Variants in UNC50 observed in about 807,000 individuals in gnomAD.
UNC50 encodes protein unc-50 homolog.
A neutral mutation model predicts 31.5 loss-of-function variants in UNC50; 24 were observed. The observed-to-expected ratio is 0.76, with a 90% CI of 0.55 to 1.07. UNC50 has a LOEUF of 1.07. Among genes scored for constraint, UNC50 ranks in the 50% least tolerant of loss-of-function variants. The pLI, the probability that UNC50 is intolerant of heterozygous loss-of-function variation, is 0.00. For missense variants in UNC50, 245 were observed against 304.2 expected (o/e 0.81, Z 1.45); for synonymous variants, 118 against 114.7 (o/e 1.03, Z -0.18).
At chr2:98,610,384 G>A (rs1436636601) in intron 2 of UNC50, among the ~76,000 whole-genome samples, 2 of 152,168 alleles carry the variant, frequency 1.3e-5, no homozygotes, top group Non-Finnish European at 2.9e-5. Flanking sequence ...GAATTGTAAA[G>A]GTATTGATGG....
chr2:98,612,894 A>G (rs1407123173), intron 3 of UNC50, among the ~76,000 whole-genome samples: 1 of 152,268 alleles, frequency 6.6e-6, no homozygotes, highest in Non-Finnish European at 1.5e-5. Context: ...AAAACAATGT[A>G]CAGACTAATT....
At chr2:98,611,656 T>G (rs1700831279) in intron 3 of UNC50, among the ~76,000 whole-genome samples, 1 of 152,322 alleles carries the variant, frequency 6.6e-6, no homozygotes, top group Admixed American at 6.5e-5. Flanking sequence ...TTAGTGATTT[T>G]GGGGTCCCGA....
intron 1 of UNC50, chr2:98,609,533 C>G (rs747270934): frequency 1.3e-4 from 81 of 637,788 alleles, no homozygotes; most frequent in Non-Finnish European, 2.0e-4. Flanking sequence ...TTAGGTGATT[C>G]AGAAGGGTGG....
chr2:98,614,913 T>C (rs1174424290), intron 3 of UNC50, among the ~76,000 whole-genome samples: 2 of 152,252 alleles, frequency 1.3e-5, no homozygotes, highest in African/African-American at 2.4e-5. Context: ...AGCGTATTCT[T>C]AATTGTACCC....
chr2:98,610,824 A>G lies in UNC50; in HGVS notation c.330A>G (p.Thr110=). The G allele has an allele frequency of 6.2e-7, 1 of 1,614,222 alleles. No homozygotes were observed. Among genetic ancestry groups the G allele is most frequent in the East Asian group, 2.2e-5 (1 of 44,890 alleles). Residue 110 remains threonine, a synonymous_variant, in exon 3 of 6, where the codon ACA becomes ACG. Coordinates refer to ENST00000357765, the MANE Select transcript of UNC50 (RefSeq NM_014044.7). Reference sequence around the variant, plus strand: ...TGCTGGACATGGGATTCTTTGAGACAATAAAGCTTCTCCTTTGGGTTGTAC... The same window carrying G: ...TGCTGGACATGGGATTCTTTGAGACGATAAAGCTTCTCCTTTGGGTTGTAC... The part of the protein sequence containing the change: ...GFVLDMGFFE[T]IKLLLWVVLI...
chr2:98,617,664 A>AGAG (rs894484640), intron 5 of UNC50, among the ~76,000 whole-genome samples: 62 of 152,336 alleles, frequency 4.1e-4, no homozygotes, highest in African/African-American at 1.3e-3. Flanking sequence ...TTTATATTTA[A>AGAG]GAGTTTCAGT....
chr2:98,615,911 G>C (rs1700912059), intron 3 of UNC50, among the ~76,000 whole-genome samples: 1 of 152,120 alleles, frequency 6.6e-6, no homozygotes, highest in Non-Finnish European at 1.5e-5. Context: ...AGGCCTGCCA[G>C]GCACCATCAC....
chr2:98,609,715 C>G, intron 1 of UNC50, 41 bp from the exon 2 acceptor site: 1 of 1,610,782 alleles, frequency 6.2e-7, no homozygotes, highest in Non-Finnish European at 8.5e-7. Flanking sequence ...CCAAATGTTT[C>G]TTCAGAATAC....
Position 98,616,201 on chromosome 2 carries a change from T to C in UNC50, c.402-6T>C, listed in dbSNP as rs770483586. 8.8e-6 allele frequency: 14 copies of C among 1,598,454 alleles called. No individual in the cohort carries two copies. The South Asian group carries it at 1.5e-4, about 17-fold the overall frequency. ...ATTATGAAAGAAATTTTAATTTTGCTCTTAGGTTCATCTCTAACAAGTATT... is the reference window on the plus strand; with the variant it reads ...ATTATGAAAGAAATTTTAATTTTGCCCTTAGGTTCATCTCTAACAAGTATT... On this transcript the variant is annotated splice_region_variant and splice_polypyrimidine_tract_variant and intron_variant, in intron 3 of 5. Coordinates refer to ENST00000357765, the MANE Select transcript of UNC50 (RefSeq NM_014044.7).
chr2:98,616,118 G>T, intron 3 of UNC50, 89 bp from the exon 4 acceptor site: 1 of 1,370,086 alleles, frequency 7.3e-7, no homozygotes. Context: ...TATATCTCCA[G>T]AATTTAGAAT....
chr2:98,615,154 C>T lies in UNC50; in HGVS notation c.402-1053C>T, dbSNP rs1025043340. ...TCTTCCTAACTGCTTCTTACTATTT[C>T]ATCCTCCTTTTAATAGGGGGTTGAC... On this transcript the variant is annotated intron_variant, in intron 3 of 5. Transcript: ENST00000357765. Among the ~76,000 whole-genome samples, 12 of 152,238 alleles carry T rather than the reference C, an allele frequency of 7.9e-5. 1 individual carries two copies. Among genetic ancestry groups the T allele is most frequent in the Non-Finnish European group, 1.3e-4 (9 of 68,046 alleles).
intron 5 of UNC50, among the ~76,000 whole-genome samples, chr2:98,617,283 TCTGA>T (rs1188950045): frequency 1.2e-4 from 19 of 152,340 alleles, no homozygotes; most frequent in African/African-American, 4.3e-4. Flanking sequence ...TACAGATGGC[TCTGA>T]CTATGCCTGG....
At position 98,613,655 on chromosome 2, in the gene UNC50, A is replaced by G. The variant is rs1013340985; in HGVS notation, c.402-2552A>G. 5.9e-5 allele frequency among the ~76,000 whole-genome samples: 9 copies of G among 152,182 alleles called. No individual in the cohort carries two copies. The South Asian group carries it at 1.2e-3, about 21-fold the overall frequency. ...CCCTTGACACGTGGGGATTCTGGGGATTGCTGTTCAAGATGAGATTTTGGG... is the reference window on the plus strand; with the variant it reads ...CCCTTGACACGTGGGGATTCTGGGGGTTGCTGTTCAAGATGAGATTTTGGG... On this transcript the variant is annotated intron_variant, in intron 3 of 5. Coordinates refer to ENST00000357765, the MANE Select transcript of UNC50 (RefSeq NM_014044.7).
intron 3 of UNC50, among the ~76,000 whole-genome samples, chr2:98,612,037 G>A (rs1419224162): frequency 7.1e-6 from 1 of 141,274 alleles, no homozygotes; most frequent in Non-Finnish European, 1.5e-5. Flanking sequence ...TCTGACTTTG[G>A]TTGATTTAGC....
At chr2:98,616,078 G>C in intron 3 of UNC50, 129 bp from the exon 4 acceptor site, 1 of 812,198 alleles carries the variant, frequency 1.2e-6, no homozygotes, top group Non-Finnish European at 1.9e-6. Context: ...TAGATGGAAG[G>C]CAGGGATTTT....
chr2:98,616,146 T>C, intron 3 of UNC50, 61 bp from the exon 4 acceptor site: 1 of 1,524,718 alleles, frequency 6.6e-7, no homozygotes, highest in Non-Finnish European at 8.9e-7. Flanking sequence ...GCATAGAAAG[T>C]CGTCAGTAAA....
chr2:98,617,465 C>T (rs1388521352), intron 5 of UNC50, among the ~76,000 whole-genome samples: 1 of 152,206 alleles, frequency 6.6e-6, no homozygotes, highest in Non-Finnish European at 1.5e-5. Flanking sequence ...GAGAACACTG[C>T]AGCACTGTGG....
intron 1 of UNC50, 46 bp from the exon 2 acceptor site, chr2:98,609,708 AAT>A (rs746069007): frequency 6.2e-7 from 1 of 1,609,916 alleles, no homozygotes; most frequent in South Asian, 1.1e-5. Context: ...TCGGTAGCCA[AAT>A]GTTTCTTCAG....
At position 98,608,611 on chromosome 2, in the gene UNC50, C is replaced by T. The variant is rs1032606419; in HGVS notation, c.-120C>T. The T allele has an allele frequency of 2.5e-5, 15 of 600,600 alleles. No homozygotes were observed. In the African/African-American group the frequency reaches 2.6e-4, roughly 11 times the overall value. 37.2% of individuals were successfully genotyped at this position (600,600 alleles called of 1,614,324 possible). Reference sequence around the variant, plus strand: ...GTCGGTTCCCGTGACGCGGCGCGCCCCAAGGGCCGGCTCCGTTGAGGGAAG... The same window carrying T: ...GTCGGTTCCCGTGACGCGGCGCGCCTCAAGGGCCGGCTCCGTTGAGGGAAG... On this transcript the variant is annotated 5_prime_UTR_variant, in exon 1 of 6. Transcript: ENST00000357765.
Sources: gnomAD v4.1 joint callset for allele counts (sites outside exome capture counted in the v4.1 genomes callset) on GRCh38, gnomAD v4.1.1 for gene constraint, MANE v1.5 for transcripts, NCBI Gene and HGNC (gene_info 2026-07-23, HGNC 2026-07-21) for gene names.